Variants in TMTC1 observed in about 807,000 individuals in gnomAD.
The protein encoded by TMTC1 is transmembrane O-mannosyltransferase targeting cadherins 1.
In TMTC1, 73 loss-of-function variants were observed where a neutral mutation model predicts 104.8. That is an observed-to-expected ratio of 0.70 (90% CI 0.58 to 0.85). The LOEUF (loss-of-function observed/expected upper bound fraction) is 0.85, where lower values mean the gene tolerates loss of function less well. TMTC1 is among the 40% of genes least tolerant of loss of function. TMTC1 has a pLI of 0.00. For missense variants in TMTC1, 1,035 were observed against 1,096.1 expected (o/e 0.94, Z 0.79); for synonymous variants, 434 against 428.7 (o/e 1.01, Z -0.15).
intron 5 of TMTC1, among the ~76,000 whole-genome samples, chr12:29,743,952 T>G (rs1034330383): frequency 5.3e-5 from 8 of 152,158 alleles, no homozygotes; most frequent in Non-Finnish European, 8.8e-5. Flanking sequence ...GCTGCCACTC[T>G]CTTACCCACA....
chr12:29,746,739 GTTTT>G (rs964997375), intron 5 of TMTC1, among the ~76,000 whole-genome samples: 3 of 151,992 alleles, frequency 2.0e-5, no homozygotes, highest in African/African-American at 2.4e-5. Flanking sequence ...ACTTGTTTTA[GTTTT>G]TTTATTTGTA....
intron 5 of TMTC1, among the ~76,000 whole-genome samples, chr12:29,679,824 AC>A (rs1940852386): frequency 6.6e-6 from 1 of 152,152 alleles, no homozygotes; most frequent in Admixed American, 6.5e-5. Flanking sequence ...TCTTTACTGT[AC>A]CCTGTTTTGT....
chr12:29,651,773 T>C (rs1939529897), intron 5 of TMTC1, among the ~76,000 whole-genome samples: 1 of 152,192 alleles, frequency 6.6e-6, no homozygotes, highest in African/African-American at 2.4e-5. Flanking sequence ...TAATTTAGTC[T>C]TGGGTGGCCT....
chr12:29,621,953 G>A (rs553556837), intron 6 of TMTC1, among the ~76,000 whole-genome samples: 51 of 152,184 alleles, frequency 3.4e-4, no homozygotes, highest in African/African-American at 1.1e-3. Context: ...ACATGGACAT[G>A]AAAATTTGGC....
At chr12:29,630,502 C>A (rs1938242620) in intron 6 of TMTC1, among the ~76,000 whole-genome samples, 1 of 152,136 alleles carries the variant, frequency 6.6e-6, no homozygotes, top group African/African-American at 2.4e-5. Context: ...AACTACAATT[C>A]AATTTGGGTG....
intron 5 of TMTC1, among the ~76,000 whole-genome samples, chr12:29,669,518 C>T (rs1034222372): frequency 6.6e-6 from 1 of 152,128 alleles, no homozygotes; most frequent in African/African-American, 2.4e-5. Context: ...ACATGGTGAA[C>T]ACCAGGAAGT....
At chr12:29,700,871 T>G (rs1179035244) in intron 5 of TMTC1, among the ~76,000 whole-genome samples, 1 of 152,170 alleles carries the variant, frequency 6.6e-6, no homozygotes, top group Admixed American at 6.5e-5. Flanking sequence ...TAAAGGCTGT[T>G]TTTTAAAGAA....
intron 5 of TMTC1, among the ~76,000 whole-genome samples, chr12:29,737,851 C>T (rs754567574): frequency 5.9e-5 from 9 of 152,292 alleles, no homozygotes; most frequent in East Asian, 3.9e-4. Context: ...ATGAGCTGCA[C>T]GCTGTTTACC....
intron 5 of TMTC1, among the ~76,000 whole-genome samples, chr12:29,734,568 T>A: frequency 6.6e-6 from 1 of 152,180 alleles, no homozygotes; most frequent in East Asian, 1.9e-4. Flanking sequence ...TGCCTATATA[T>A]AGACACAGAT....
chr12:29,712,916 T>G (rs972893449), intron 5 of TMTC1, among the ~76,000 whole-genome samples: 8 of 152,202 alleles, frequency 5.3e-5, no homozygotes, highest in Non-Finnish European at 1.2e-4. Context: ...TGTGCCAATT[T>G]GTCTAGGCTA....
intron 10 of TMTC1, among the ~76,000 whole-genome samples, chr12:29,545,501 A>G (rs1035436896): frequency 4.5e-4 from 69 of 152,212 alleles, no homozygotes; most frequent in African/African-American, 1.6e-3. Flanking sequence ...TTAGCCAAGC[A>G]TAGTGGCTCA....
intron 5 of TMTC1, among the ~76,000 whole-genome samples, chr12:29,746,234 C>T (rs1029872567): frequency 1.6e-4 from 24 of 152,186 alleles, no homozygotes; most frequent in African/African-American, 4.8e-4. Context: ...GTTAACTCCA[C>T]ACCTCTTATT....
Position 29,680,783 on chromosome 12 carries a change from G to A in TMTC1, c.939-47447C>T, listed in dbSNP as rs373296524. 2.1e-4 allele frequency among the ~76,000 whole-genome samples: 32 copies of A among 152,058 alleles called. 3 individuals carry two copies. Among genetic ancestry groups the A allele is most frequent in the Admixed American group, 1.6e-3 (24 of 15,278 alleles). ...TGTGGGACATGAGACTCTTAAGTAG[G>A]GGCAACCCCTGAAACTGCCAGATGA... On this transcript the variant is annotated intron_variant, in intron 5 of 17. Coordinates refer to ENST00000539277, the MANE Select transcript of TMTC1 (RefSeq NM_001193451.2).
At chr12:29,539,473 C>A (rs568044379) in intron 10 of TMTC1, among the ~76,000 whole-genome samples, 34 of 152,282 alleles carry the variant, frequency 2.2e-4, no homozygotes, top group Admixed American at 6.5e-4. Context: ...CCTCTGCTTT[C>A]ATATATAAAA....
chr12:29,780,825 T>C (rs1255104615), intron 1 of TMTC1, among the ~76,000 whole-genome samples: 8 of 152,176 alleles, frequency 5.3e-5, no homozygotes, highest in Admixed American at 6.5e-5. Flanking sequence ...TAAAACTGCA[T>C]GGGAATGCAC....
At chr12:29,733,504 T>TAAC (rs1942596765) in intron 5 of TMTC1, among the ~76,000 whole-genome samples, 1 of 152,186 alleles carries the variant, frequency 6.6e-6, no homozygotes, top group African/African-American at 2.4e-5. Flanking sequence ...TTTTTATGCC[T>TAAC]AACACCAAAG....
chr12:29,673,711 CT>C (rs1435154670), intron 5 of TMTC1, among the ~76,000 whole-genome samples: 3 of 138,514 alleles, frequency 2.2e-5, no homozygotes, highest in Non-Finnish European at 1.6e-5. Flanking sequence ...TTCATTATCT[CT>C]GTGTAAGATG....
At chr12:29,685,893 T>C (rs149990186) in intron 5 of TMTC1, among the ~76,000 whole-genome samples, 3 of 149,074 alleles carry the variant, frequency 2.0e-5, no homozygotes, top group African/African-American at 7.5e-5. Context: ...ATGCTTACTA[T>C]GGTTTAAAAC....
intron 5 of TMTC1, among the ~76,000 whole-genome samples, chr12:29,747,405 A>C (rs528592595): frequency 1.3e-5 from 2 of 152,330 alleles, no homozygotes; most frequent in African/African-American, 4.8e-5. Flanking sequence ...CCCATAAGTC[A>C]ATCAGTAAGT....
Sources: gnomAD v4.1 joint callset for allele counts (sites outside exome capture counted in the v4.1 genomes callset) on GRCh38, gnomAD v4.1.1 for gene constraint, MANE v1.5 for transcripts, NCBI Gene and HGNC (gene_info 2026-07-23, HGNC 2026-07-21) for gene names.